The following DCAF8L2 variants were observed in gnomAD, a reference collection of about 807,000 sequenced individuals.
DCAF8L2 encodes DDB1- and CUL4-associated factor 8-like protein 2.
For missense variants in DCAF8L2, 430 were observed against 490.7 expected, an observed-to-expected ratio of 0.88 and a Z score of 1.17; for synonymous variants, 200 against 190.9, an observed-to-expected ratio of 1.05 and a Z score of -0.39.
rs772801168 is a variant in DCAF8L2, at chrX:27,596,366, T to G, written c.-342+5926T>G. On this transcript the variant is annotated intron_variant, in intron 1 of 4. Coordinates refer to ENST00000451261, the MANE Select transcript of DCAF8L2 (RefSeq NM_001353450.2). The stretch of plus-strand genomic sequence containing the variant: ...CTTTCAAAATGAAAGACTACATTAA[T>G]TTACATATCGTCTGAATATGAAAAG... Among the ~76,000 whole-genome samples, 4 of 111,230 alleles carry G rather than the reference T, an allele frequency of 3.6e-5. No individual in the cohort carries two copies. The East Asian group carries it at 1.1e-3, about 32-fold the overall frequency.
chrX:27,607,548 A>T (rs1926965641), intron 1 of DCAF8L2, among the ~76,000 whole-genome samples: 1 of 111,434 alleles, frequency 9.0e-6, no homozygotes, highest in Non-Finnish European at 1.9e-5. Context: ...TTAACAGAGA[A>T]TTATTTAATC....
At chrX:27,471,484 T>G in the DCAF8L2 span, among the ~76,000 whole-genome samples, 3 of 111,362 alleles carry the variant, frequency 2.7e-5, no homozygotes, top group East Asian at 2.8e-4. Flanking sequence ...TTGTTCCAGC[T>G]CACTGTCCTT....
chrX:27,676,418 A>G (rs974877322), intron 2 of DCAF8L2, among the ~76,000 whole-genome samples: 2 of 111,740 alleles, frequency 1.8e-5, no homozygotes, highest in South Asian at 3.7e-4. Context: ...GTGTACATAT[A>G]TATGTATATA....
intron 2 of DCAF8L2, chrX:27,633,312 T>A (rs1312058433): frequency 1.8e-5 from 2 of 112,601 alleles, no homozygotes; most frequent in African/African-American, 6.4e-5. Flanking sequence ...CTTCCATCTT[T>A]AATTTTAATA....
At chrX:27,622,841 C>A (rs1448474791) in intron 1 of DCAF8L2, among the ~76,000 whole-genome samples, 2 of 110,741 alleles carry the variant, frequency 1.8e-5, no homozygotes, top group Non-Finnish European at 3.8e-5. Context: ...GACTTTATTT[C>A]TTAAGCTTGA....
the DCAF8L2 span, among the ~76,000 whole-genome samples, chrX:27,550,023 C>T: frequency 2.7e-5 from 3 of 112,132 alleles, no homozygotes; most frequent in South Asian, 1.1e-3. Flanking sequence ...ATTTCCCTTT[C>T]TCTCCAATGC....
At chrX:27,538,654 A>C in the DCAF8L2 span, among the ~76,000 whole-genome samples, 23 of 90,945 alleles carry the variant, frequency 2.5e-4, no homozygotes, top group African/African-American at 9.0e-4. Flanking sequence ...GGCCTCCCAA[A>C]GTGCTGGGAT....
At chrX:27,619,401 AAGAG>A (rs766778326) in intron 1 of DCAF8L2, among the ~76,000 whole-genome samples, 2 of 109,021 alleles carry the variant, frequency 1.8e-5, no homozygotes, top group Non-Finnish European at 3.8e-5. Context: ...GAGAGAGAGA[AAGAG>A]AGAGAGAGAG....
intron 2 of DCAF8L2, among the ~76,000 whole-genome samples, chrX:27,658,315 A>T (rs1230410810): frequency 8.9e-6 from 1 of 112,175 alleles, no homozygotes; most frequent in Non-Finnish European, 1.9e-5. Flanking sequence ...AGGTACTGAT[A>T]TCAATTTAAT....
chrX:27,546,566 C>G, the DCAF8L2 span, among the ~76,000 whole-genome samples: 2 of 112,617 alleles, frequency 1.8e-5, no homozygotes, highest in Non-Finnish European at 3.8e-5. Flanking sequence ...CTCCAGCAGA[C>G]TTCTACCAGG....
chrX:27,630,419 C>A (rs1255943037), intron 1 of DCAF8L2, among the ~76,000 whole-genome samples: 1 of 111,652 alleles, frequency 9.0e-6, no homozygotes, highest in Admixed American at 9.6e-5. Context: ...GATGGCTTTA[C>A]TGGTGAATTA....
At chrX:27,502,331 AAAAAAT>A in the DCAF8L2 span, among the ~76,000 whole-genome samples, 50 of 29,590 alleles carry the variant, frequency 1.7e-3, no homozygotes, top group African/African-American at 6.0e-3. Context: ...AAAAAAAAAA[AAAAAAT>A]ATATATATAT....
chrX:27,500,522 G>A, the DCAF8L2 span, among the ~76,000 whole-genome samples: 1 of 111,615 alleles, frequency 9.0e-6, no homozygotes, highest in Non-Finnish European at 1.9e-5. Flanking sequence ...ATCAATTTTT[G>A]TGACGATGAT....
chrX:27,614,075 C>T (rs188931447), intron 1 of DCAF8L2, among the ~76,000 whole-genome samples: 2 of 111,367 alleles, frequency 1.8e-5, no homozygotes, highest in Admixed American at 9.5e-5. Context: ...GTGAATCCAT[C>T]TGGTCCTGGA....
At chrX:27,483,664 G>C in the DCAF8L2 span, among the ~76,000 whole-genome samples, 1 of 111,182 alleles carries the variant, frequency 9.0e-6, no homozygotes, top group Admixed American at 9.7e-5. Flanking sequence ...GGTGTGGCTA[G>C]CTACAAACAA....
chrX:27,477,969 A>C, the DCAF8L2 span, among the ~76,000 whole-genome samples: 1 of 111,526 alleles, frequency 9.0e-6, no homozygotes, highest in African/African-American at 3.3e-5. Context: ...TCTGGTTGCC[A>C]TGACCCCATT....
At chrX:27,743,458 C>A (rs1181705654) in intron 4 of DCAF8L2, among the ~76,000 whole-genome samples, 2 of 109,199 alleles carry the variant, frequency 1.8e-5, no homozygotes, top group Non-Finnish European at 3.8e-5. Context: ...AGTGCAGTGG[C>A]GCGACCTCAG....
chrX:27,702,373 C>T (rs1015787755), intron 3 of DCAF8L2, among the ~76,000 whole-genome samples: 4 of 98,531 alleles, frequency 4.1e-5, no homozygotes, highest in African/African-American at 1.1e-4. Context: ...AGTATTACCC[C>T]GATACAAATA....
the DCAF8L2 span, among the ~76,000 whole-genome samples, chrX:27,489,559 C>T: frequency 2.7e-5 from 3 of 112,350 alleles, no homozygotes; most frequent in Non-Finnish European, 5.6e-5. Context: ...ATATAATTTC[C>T]AGTTGAATGG....
Sources: gnomAD v4.1 joint callset for allele counts (sites outside exome capture counted in the v4.1 genomes callset) on GRCh38, gnomAD v4.1.1 for gene constraint, MANE v1.5 for transcripts, NCBI Gene and HGNC (gene_info 2026-07-23, HGNC 2026-07-21) for gene names.